Variants in DSCAM observed in about 807,000 individuals in gnomAD.
DSCAM encodes the protein cell adhesion molecule DSCAM.
A neutral mutation model predicts 217.7 loss-of-function variants in DSCAM; 47 were observed. The ratio of observed to expected loss-of-function variants is 0.22; its 90% confidence interval spans 0.17 to 0.28. The LOEUF is 0.28. DSCAM is among the 10% of genes least tolerant of loss of function. DSCAM has a pLI of 1.00. For synonymous variants in DSCAM, 1,056 were observed against 1,015.3 expected (o/e 1.04, Z -0.76); for missense variants, 2,080 against 2,618.3 (o/e 0.79, Z 4.49).
chr21:40,710,706 C>T (rs538472630), intron 1 of DSCAM, among the ~76,000 whole-genome samples: 1 of 152,044 alleles, frequency 6.6e-6, no homozygotes, highest in African/African-American at 2.4e-5. Flanking sequence ...AGAAATAAAA[C>T]GTGACTTCCA....
intron 3 of DSCAM, among the ~76,000 whole-genome samples, chr21:40,412,840 G>C (rs2075335608): frequency 1.3e-5 from 2 of 152,240 alleles, no homozygotes. Flanking sequence ...AGAGACCTCT[G>C]TAGCCCCTCC....
At chr21:40,634,937 G>A (rs182737202) in intron 3 of DSCAM, among the ~76,000 whole-genome samples, 164 of 152,244 alleles carry the variant, frequency 1.1e-3, no homozygotes, top group African/African-American at 3.9e-3. Context: ...CATGTTACAT[G>A]TTTATTTTAG....
intron 3 of DSCAM, among the ~76,000 whole-genome samples, chr21:40,471,216 C>T (rs1001596376): frequency 6.6e-5 from 10 of 152,154 alleles, no homozygotes; most frequent in Non-Finnish European, 4.4e-5. Flanking sequence ...AAGTTCTGAC[C>T]AATCCTGCAG....
chr21:40,149,601 C>T (rs770744808), intron 16 of DSCAM, among the ~76,000 whole-genome samples: 1 of 146,548 alleles, frequency 6.8e-6, no homozygotes, highest in Non-Finnish European at 1.5e-5. Flanking sequence ...GTCACCACCA[C>T]CATCCATCGC....
At chr21:40,614,567 TC>T (rs1457879877) in intron 3 of DSCAM, among the ~76,000 whole-genome samples, 1 of 152,206 alleles carries the variant, frequency 6.6e-6, no homozygotes, top group African/African-American at 2.4e-5. Context: ...ATGTGCTCAC[TC>T]TTTGGTTCAG....
At chr21:40,145,769 C>T (rs1041961309) in intron 16 of DSCAM, among the ~76,000 whole-genome samples, 7 of 152,048 alleles carry the variant, frequency 4.6e-5, no homozygotes, top group African/African-American at 7.2e-5. Flanking sequence ...CACTTGAACC[C>T]GGGAGGCGGA....
At chr21:40,474,872 G>T (rs2075920709) in intron 3 of DSCAM, among the ~76,000 whole-genome samples, 1 of 152,092 alleles carries the variant, frequency 6.6e-6, no homozygotes, top group Non-Finnish European at 1.5e-5. Flanking sequence ...GAACTGCGAG[G>T]GAGCCCTGCT....
chr21:40,387,556 A>G (rs1202991687), intron 3 of DSCAM, among the ~76,000 whole-genome samples: 6 of 152,204 alleles, frequency 3.9e-5, no homozygotes, highest in Non-Finnish European at 8.8e-5. Context: ...ATCTGGCAGA[A>G]GCAAAGACAA....
rs184115384 is a variant in DSCAM at position 40,266,124 on chromosome 21, C to T, written c.2356+9973G>A. On this transcript the variant is annotated intron_variant, in intron 11 of 32. Transcript: ENST00000400454. ...ATGCATCCGACAAAGTACTAATATC[C>T]GCAATCTACAAACTCAAAGAAATCA... is the stretch of plus-strand genomic sequence containing the variant. Among the ~76,000 whole-genome samples the T allele has an allele frequency of 5.5e-3, 839 of 152,120 alleles. 6 individuals are homozygous for T. Among genetic ancestry groups the T allele is most frequent in the Non-Finnish European group, 8.7e-3 (589 of 68,000 alleles).
At chr21:40,093,628 T>G in intron 21 of DSCAM, 93 bp downstream of exon 21, 2 of 1,445,004 alleles carry the variant, frequency 1.4e-6, no homozygotes, top group Non-Finnish European at 1.9e-6. Context: ...TTATTTGATT[T>G]TTAGGAAAGT....
At chr21:40,793,125 C>T (rs571297048) in intron 1 of DSCAM, among the ~76,000 whole-genome samples, 19 of 152,262 alleles carry the variant, frequency 1.2e-4, no homozygotes, top group African/African-American at 3.4e-4. Context: ...GATGTTTGCA[C>T]GTAGTTAAGA....
chr21:40,137,608 C>T (rs1460044928), intron 18 of DSCAM, among the ~76,000 whole-genome samples: 5 of 113,160 alleles, frequency 4.4e-5, no homozygotes, highest in Non-Finnish European at 9.8e-5. Context: ...CACACACACA[C>T]ACACACACAC....
At position 40,378,897 on chromosome 21, in the gene DSCAM, A is replaced by G. The variant is rs188527271; in HGVS notation, c.509-9652T>C. Among the ~76,000 whole-genome samples, 628 of 149,354 alleles carry G rather than the reference A, an allele frequency of 4.2e-3. 2 individuals are homozygous for G. The highest frequency in any genetic ancestry group is 0.011 in the African/African-American group (448 of 40,314). On this transcript the variant is annotated intron_variant, in intron 3 of 32. Transcript: ENST00000400454. Reference sequence around the variant, plus strand: ...CGTGAGCCACCGCGCCCGGCCAACAATGAAAACTTATACATAAACCTGAAT... The same window carrying G: ...CGTGAGCCACCGCGCCCGGCCAACAGTGAAAACTTATACATAAACCTGAAT...
chr21:40,355,548 G>A (rs1475451976), intron 4 of DSCAM, among the ~76,000 whole-genome samples: 2 of 152,224 alleles, frequency 1.3e-5, no homozygotes, highest in Non-Finnish European at 2.9e-5. Flanking sequence ...TACAGCACCT[G>A]ATTGGATGCT....
At chr21:40,827,299 T>A (rs1035106733) in intron 1 of DSCAM, among the ~76,000 whole-genome samples, 7 of 151,382 alleles carry the variant, frequency 4.6e-5, no homozygotes, top group African/African-American at 1.7e-4. Flanking sequence ...GAGACCCCCA[T>A]CTCTGCAAAA....
At chr21:40,630,125 G>A (rs1241519590) in intron 3 of DSCAM, among the ~76,000 whole-genome samples, 1 of 152,094 alleles carries the variant, frequency 6.6e-6, no homozygotes, top group African/African-American at 2.4e-5. Flanking sequence ...GGAAAGAGAA[G>A]GGCTGTATAA....
chr21:40,217,864 G>T (rs1445750745), intron 11 of DSCAM, among the ~76,000 whole-genome samples: 1 of 151,868 alleles, frequency 6.6e-6, no homozygotes, highest in Non-Finnish European at 1.5e-5. Context: ...GGGGTGGTTT[G>T]TTTTTTTCTT....
intron 3 of DSCAM, among the ~76,000 whole-genome samples, chr21:40,396,679 GCTA>G (rs3069907): frequency 5.4e-4 from 82 of 151,144 alleles, no homozygotes; most frequent in Middle Eastern, 3.5e-3. Context: ...TGCCACTGCT[GCTA>G]CTACTACTAC....
intron 11 of DSCAM, among the ~76,000 whole-genome samples, chr21:40,193,030 G>A (rs755846414): frequency 3.9e-5 from 6 of 152,184 alleles, no homozygotes; most frequent in Admixed American, 2.0e-4. Context: ...GCACCATTTT[G>A]CACTCTTGTG....
Sources: allele counts gnomAD v4.1 joint callset (sites outside exome capture counted in the v4.1 genomes callset), GRCh38; gene constraint gnomAD v4.1.1; transcripts MANE v1.5; gene names NCBI Gene and HGNC (gene_info 2026-07-23, HGNC 2026-07-21).